AGBL1: variants seen among roughly 807,000 people sequenced by gnomAD.
The protein encoded by AGBL1 is AGBL carboxypeptidase 1.
Under a neutral mutation model 118.9 loss-of-function variants are expected in AGBL1, and 130 were observed. The observed-to-expected ratio is 1.09, with a 90% confidence interval of 0.95 to 1.26. AGBL1 has a LOEUF of 1.26. Among genes scored for constraint, AGBL1 ranks in the 50% most tolerant of loss-of-function variants. The pLI, the probability that AGBL1 is intolerant of heterozygous loss-of-function variation, is 0.00. For synonymous variants in AGBL1, 555 were observed against 478.9 expected, an observed-to-expected ratio of 1.16 and a Z score of -2.08; for missense variants, 1,584 against 1,298.1, an observed-to-expected ratio of 1.22 and a Z score of -3.38.
Position 87,013,653 on chromosome 15 carries a change from T to C in AGBL1, c.3324-15172T>C, listed in dbSNP as rs1206492220. ...TATTAGACACTTGATCTGGGTCCAG[T>C]TGGTTACGAGGCCTTGCCTCTCATT... On this transcript the variant is annotated intron_variant, in intron 24 of 24. Coordinates refer to the AGBL1 transcript ENST00000441037. 3.3e-5 allele frequency among the ~76,000 whole-genome samples: 5 copies of C among 152,190 alleles called. No individual in the cohort carries two copies. In the East Asian group the frequency reaches 7.7e-4, roughly 24 times the overall value.
At chr15:86,543,909 G>A (rs1407667852) in intron 19 of AGBL1, among the ~76,000 whole-genome samples, 1 of 152,162 alleles carries the variant, frequency 6.6e-6, no homozygotes, top group African/African-American at 2.4e-5. Flanking sequence ...CAGGTGGCTT[G>A]CCTTTTTCTT....
chr15:86,401,287 C>T (rs1340953721), intron 18 of AGBL1, among the ~76,000 whole-genome samples: 4 of 151,814 alleles, frequency 2.6e-5, no homozygotes, highest in Non-Finnish European at 5.9e-5. Context: ...GTCCTTTGAC[C>T]AGTTTTTGAT....
At chr15:86,376,036 T>C (rs1327945023) in intron 17 of AGBL1, among the ~76,000 whole-genome samples, 2 of 152,186 alleles carry the variant, frequency 1.3e-5, no homozygotes, top group Non-Finnish European at 2.9e-5. Context: ...ATTTATCTAA[T>C]ATAGTTTATG....
At chr15:86,410,804 G>GTAGA (rs1344452831) in intron 18 of AGBL1, among the ~76,000 whole-genome samples, 5 of 17,300 alleles carry the variant, frequency 2.9e-4, no homozygotes, top group African/African-American at 5.1e-4. Context: ...AAGGTCAAAT[G>GTAGA]TAGATATATA....
intron 5 of AGBL1, among the ~76,000 whole-genome samples, chr15:86,174,575 T>A (rs930259025): frequency 8.5e-5 from 13 of 152,156 alleles, no homozygotes; most frequent in Non-Finnish European, 1.5e-4. Flanking sequence ...ATTATGATAC[T>A]AGCTGGGTTT....
chr15:86,099,152 C>T lies in AGBL1; in HGVS notation c.51+19129C>T, dbSNP rs116871303. Among the ~76,000 whole-genome samples, 229 of 152,132 alleles carry T rather than the reference C, an allele frequency of 1.5e-3. 3 individuals are homozygous for T. The highest frequency in any genetic ancestry group is 5.6e-3 in the East Asian group (29 of 5,166). ...GTAGAAAATACTTCAAATAAACATT[C>T]TGATAATGCACCTGAAAGAACGAGA... is the stretch of plus-strand genomic sequence containing the variant. On this transcript the variant is annotated intron_variant, in intron 1 of 22. Transcript: ENST00000614907.
At chr15:86,338,937 G>A (rs1019095999) in intron 17 of AGBL1, among the ~76,000 whole-genome samples, 3 of 152,100 alleles carry the variant, frequency 2.0e-5, no homozygotes, top group African/African-American at 7.2e-5. Context: ...AGTTGAGGAT[G>A]TAACCCTCTA....
rs557455357 is a variant in AGBL1 at position 86,165,643 on chromosome 15, C to T, written c.488+6617C>T. 5.3e-5 allele frequency among the ~76,000 whole-genome samples: 8 copies of T among 152,212 alleles called. No homozygotes were observed. The South Asian group carries it at 1.7e-3, about 32-fold the overall frequency. Reference sequence around the variant, plus strand: ...CTGGGTTTTAATTCCCTCCCAGCCCCAACTAACGGCTTCATGATTCCCCAT... The same window carrying T: ...CTGGGTTTTAATTCCCTCCCAGCCCTAACTAACGGCTTCATGATTCCCCAT... On this transcript the variant is annotated intron_variant, in intron 5 of 22. Coordinates refer to ENST00000614907, the MANE Select transcript of AGBL1 (RefSeq NM_001386094.1).
At chr15:86,841,301 G>C (rs1002730974) in intron 22 of AGBL1, among the ~76,000 whole-genome samples, 5 of 152,166 alleles carry the variant, frequency 3.3e-5, no homozygotes, top group African/African-American at 7.2e-5. Context: ...TGTTAGCAAA[G>C]AAGAGAGAGG....
At position 86,541,524 on chromosome 15, in the gene AGBL1, C is replaced by T. The variant is rs74992500; in HGVS notation, c.2686-4478C>T. Among the ~76,000 whole-genome samples, 334 of 143,144 alleles carry T rather than the reference C, an allele frequency of 2.3e-3. 6 individuals are homozygous for T. The highest frequency in any genetic ancestry group is 8.3e-3 in the African/African-American group (318 of 38,158). 93.9% of individuals were successfully genotyped at this position (143,144 alleles called of 152,430 possible). On this transcript the variant is annotated intron_variant, in intron 19 of 22. Coordinates refer to ENST00000614907, the MANE Select transcript of AGBL1 (RefSeq NM_001386094.1). The stretch of plus-strand genomic sequence containing the variant: ...GGAAGATAACCTGAGCCCAGGATCT[C>T]GAAGGTTGCAGTGAGCCATGATTGC...
At chr15:86,875,779 G>A (rs1435366421) in intron 22 of AGBL1, among the ~76,000 whole-genome samples, 4 of 152,142 alleles carry the variant, frequency 2.6e-5, no homozygotes, top group African/African-American at 9.7e-5. Context: ...TAACCATTAC[G>A]AATGGGGTAG....
intron 22 of AGBL1, among the ~76,000 whole-genome samples, chr15:86,829,474 C>G (rs942072829): frequency 6.6e-6 from 1 of 152,030 alleles, no homozygotes; most frequent in African/African-American, 2.4e-5. Flanking sequence ...CTCTGACAAG[C>G]CCTAATTAGA....
chr15:86,440,484 G>T (rs868654812), intron 18 of AGBL1, among the ~76,000 whole-genome samples: 4 of 144,504 alleles, frequency 2.8e-5, no homozygotes, highest in Non-Finnish European at 4.5e-5. Flanking sequence ...ATGGGATGGA[G>T]AATAATAATA....
chr15:86,641,439 A>T lies in AGBL1; in HGVS notation c.2995-32834A>T, dbSNP rs72762054. ...AAAAAAAAAAGCAGTGCCGGTAGTT[A>T]CCTGGCAGCCCCCATGAGAACTCCC... On this transcript the variant is annotated intron_variant, in intron 21 of 22. Transcript: ENST00000614907. Among the ~76,000 whole-genome samples, 683 of 152,010 alleles carry T rather than the reference A, an allele frequency of 4.5e-3. 2 individuals are homozygous for T. The highest frequency in any genetic ancestry group is 7.6e-3 in the Non-Finnish European group (516 of 67,988).
chr15:86,780,920 A>G (rs947002794), intron 22 of AGBL1, among the ~76,000 whole-genome samples: 3 of 152,116 alleles, frequency 2.0e-5, no homozygotes, highest in Non-Finnish European at 4.4e-5. Context: ...CACCCACCTC[A>G]GCCTCCCAAA....
intron 22 of AGBL1, among the ~76,000 whole-genome samples, chr15:86,792,391 G>A (rs942011542): frequency 6.6e-6 from 1 of 152,100 alleles, no homozygotes; most frequent in Non-Finnish European, 1.5e-5. Flanking sequence ...CTAGTATTTG[G>A]AAAGTGTCAT....
At chr15:86,433,205 C>T (rs1253819721) in intron 18 of AGBL1, among the ~76,000 whole-genome samples, 1 of 149,328 alleles carries the variant, frequency 6.7e-6, no homozygotes, top group Non-Finnish European at 1.5e-5. Context: ...GATGAAGCTC[C>T]TTTCCTCCTC....
intron 17 of AGBL1, among the ~76,000 whole-genome samples, chr15:86,366,975 T>A (rs1291872892): frequency 6.6e-6 from 1 of 152,194 alleles, no homozygotes; most frequent in African/African-American, 2.4e-5. Context: ...TCAGTCTATC[T>A]TCTGGGGGCG....
rs1323977258 is a variant in AGBL1, at chr15:86,667,234, G to GTATC, written c.2995-7036_2995-7035insCTAT. ...TGTATCTATGTATGTATGTATGTAT[G>GTATC]TATGTATGTATGTATGTATGTATCT... On this transcript the variant is annotated intron_variant, in intron 21 of 22. Coordinates refer to ENST00000614907, the MANE Select transcript of AGBL1 (RefSeq NM_001386094.1). Among the ~76,000 whole-genome samples the GTATC allele has an allele frequency of 1.6e-3, 155 of 97,546 alleles. 2 individuals carry two copies. The highest frequency in any genetic ancestry group is 3.8e-3 in the East Asian group (16 of 4,266). 64.0% of individuals were successfully genotyped at this position (97,546 alleles called of 152,430 possible). A position where few individuals can be genotyped will look rare whatever the true frequency, so the allele number is the denominator to read the frequency against.
Sources: gnomAD v4.1 joint callset for allele counts (sites outside exome capture counted in the v4.1 genomes callset) on GRCh38, gnomAD v4.1.1 for gene constraint, MANE v1.5 for transcripts, NCBI Gene and HGNC (gene_info 2026-07-23, HGNC 2026-07-21) for gene names.